CTDSPL2: variants seen among roughly 807,000 people sequenced by gnomAD.
CTDSPL2 encodes CTD small phosphatase-like protein 2.
CTDSPL2 carries 5 observed loss-of-function variants against 60.0 expected under a neutral mutation model. The observed-to-expected ratio is 0.08, with a 90% CI of 0.04 to 0.18. CTDSPL2 has a LOEUF of 0.18. Ranked by LOEUF, CTDSPL2 falls within the 10% of genes least tolerant of loss-of-function variation. The pLI, the probability that CTDSPL2 is intolerant of heterozygous loss-of-function variation, is 1.00. For synonymous variants in CTDSPL2, 186 were observed against 189.3 expected (o/e 0.98, Z 0.14); for missense variants, 370 against 548.8 (o/e 0.67, Z 3.26).
chr15:44,503,181 C>A (rs1438929602), intron 8 of CTDSPL2, among the ~76,000 whole-genome samples: 2 of 151,972 alleles, frequency 1.3e-5, no homozygotes, highest in African/African-American at 4.8e-5. Flanking sequence ...GGCAAAATTA[C>A]AGGCTTTTTG....
rs1008213120 is a variant in CTDSPL2 at position 44,497,397 on chromosome 15, G to A, written c.882+259G>A. ...TCTTATTTTTTTGAGATGGAGTCTC[G>A]CTCTGTCGCCCAGGCTGGAGTGCAG... On this transcript the variant is annotated intron_variant, in intron 7 of 12. Transcript: ENST00000260327. Among the ~76,000 whole-genome samples the A allele has an allele frequency of 8.6e-5, 13 of 152,016 alleles. No homozygotes were observed. In the East Asian group the frequency reaches 1.2e-3, roughly 14 times the overall value.
At chr15:44,466,855 C>T (rs1177289778) in intron 2 of CTDSPL2, among the ~76,000 whole-genome samples, 3 of 152,010 alleles carry the variant, frequency 2.0e-5, no homozygotes, top group African/African-American at 7.2e-5. Context: ...AGGAGAATGG[C>T]GTGAACCTGG....
chr15:44,427,945 T>C (rs1382841077), intron 1 of CTDSPL2, 173 bp downstream of exon 1: 1 of 348,548 alleles, frequency 2.9e-6, no homozygotes, highest in Non-Finnish European at 5.1e-6. Context: ...GAGCCGCTCC[T>C]GTCTGGACTT....
At chr15:44,430,542 G>A (rs2079836388) in intron 1 of CTDSPL2, among the ~76,000 whole-genome samples, 1 of 151,718 alleles carries the variant, frequency 6.6e-6, no homozygotes, top group Non-Finnish European at 1.5e-5. Flanking sequence ...CCACCAAGCC[G>A]AGTCCAAAAT....
intron 1 of CTDSPL2, among the ~76,000 whole-genome samples, chr15:44,456,887 T>C (rs1454640853): frequency 2.0e-5 from 3 of 150,746 alleles, no homozygotes; most frequent in African/African-American, 2.4e-5. Flanking sequence ...TGTTTTTTTT[T>C]CTTTTTTTTG....
chr15:44,466,277 C>T (rs550543794), intron 2 of CTDSPL2, among the ~76,000 whole-genome samples: 5 of 151,876 alleles, frequency 3.3e-5, no homozygotes, highest in African/African-American at 9.7e-5. Flanking sequence ...CTTGGCCTCC[C>T]GTAATGGGAT....
chr15:44,509,636 T>C (rs1189266971), intron 8 of CTDSPL2, among the ~76,000 whole-genome samples: 2 of 151,924 alleles, frequency 1.3e-5, no homozygotes, highest in Non-Finnish European at 2.9e-5. Context: ...GTAGTAGTAG[T>C]GTAGTGGGTT....
chr15:44,458,446 A>G (rs750083183), intron 1 of CTDSPL2, among the ~76,000 whole-genome samples: 14 of 152,230 alleles, frequency 9.2e-5, no homozygotes, highest in Non-Finnish European at 1.6e-4. Flanking sequence ...GACTTTCTCA[A>G]AATGATCCAC....
chr15:44,459,885 C>T (rs1024425022), intron 2 of CTDSPL2, among the ~76,000 whole-genome samples: 6 of 152,020 alleles, frequency 3.9e-5, no homozygotes, highest in African/African-American at 1.2e-4. Context: ...TGTATTGCTT[C>T]GTTAAAGAGA....
At chr15:44,448,085 T>C in intron 1 of CTDSPL2, 1 of 248,140 alleles carries the variant, frequency 4.0e-6, no homozygotes, top group Non-Finnish European at 8.2e-6. Flanking sequence ...TGATCCATCA[T>C]GGGGCTCATG....
chr15:44,498,497 G>A (rs1223314111), intron 7 of CTDSPL2, among the ~76,000 whole-genome samples: 1 of 152,132 alleles, frequency 6.6e-6, no homozygotes. Context: ...GAGAGAGGAG[G>A]ATCCCTTGAG....
intron 2 of CTDSPL2, among the ~76,000 whole-genome samples, chr15:44,483,706 AG>A (rs2081070419): frequency 6.6e-6 from 1 of 152,164 alleles, no homozygotes; most frequent in Admixed American, 6.6e-5. Flanking sequence ...AGCTTTGTTA[AG>A]GGGTAGACTC....
chr15:44,448,238 C>A, intron 1 of CTDSPL2: 1 of 297,928 alleles, frequency 3.4e-6, no homozygotes, highest in South Asian at 3.0e-5. Flanking sequence ...TGCTCCAGGC[C>A]GGAGCCACTG....
At chr15:44,472,725 G>A (rs897214886) in intron 2 of CTDSPL2, among the ~76,000 whole-genome samples, 8 of 152,166 alleles carry the variant, frequency 5.3e-5, no homozygotes, top group African/African-American at 9.6e-5. Context: ...GTGCAGTGGC[G>A]CAGTCTCCAT....
At chr15:44,463,514 C>A (rs1243095699) in intron 2 of CTDSPL2, among the ~76,000 whole-genome samples, 1 of 152,150 alleles carries the variant, frequency 6.6e-6, no homozygotes, top group Non-Finnish European at 1.5e-5. Context: ...TGTGCTGTAA[C>A]TGAACTCAGA....
chr15:44,483,971 C>G (rs2081075132), intron 2 of CTDSPL2, among the ~76,000 whole-genome samples: 1 of 152,152 alleles, frequency 6.6e-6, no homozygotes, highest in Non-Finnish European at 1.5e-5. Flanking sequence ...GCATGGAAAA[C>G]TTAATGGACC....
intron 2 of CTDSPL2, among the ~76,000 whole-genome samples, chr15:44,465,147 A>C (rs1213502470): frequency 6.6e-6 from 1 of 152,150 alleles, no homozygotes; most frequent in African/African-American, 2.4e-5. Context: ...TCAAATACAG[A>C]TTTTGTGATT....
At chr15:44,446,355 C>T (rs953517383) in intron 1 of CTDSPL2, among the ~76,000 whole-genome samples, 4 of 151,926 alleles carry the variant, frequency 2.6e-5, no homozygotes, top group South Asian at 2.1e-4. Flanking sequence ...TGGCTGGGTG[C>T]GGTGGCTCAC....
intron 2 of CTDSPL2, among the ~76,000 whole-genome samples, chr15:44,483,882 C>T (rs189105483): frequency 6.6e-6 from 1 of 152,152 alleles, no homozygotes; most frequent in Admixed American, 6.5e-5. Flanking sequence ...GAAATTATCT[C>T]TGTTCTTAAG....
Sources: gnomAD v4.1 joint callset for allele counts (sites outside exome capture counted in the v4.1 genomes callset) on GRCh38, gnomAD v4.1.1 for gene constraint, MANE v1.5 for transcripts, NCBI Gene and HGNC (gene_info 2026-07-23, HGNC 2026-07-21) for gene names.